CACNA1C: variants seen among roughly 807,000 people sequenced by gnomAD.
CACNA1C encodes the protein calcium voltage-gated channel subunit alpha1 C.
Under a neutral mutation model 229.0 loss-of-function variants are expected in CACNA1C, and 30 were observed. The observed-to-expected ratio is 0.13, with a 90% CI of 0.10 to 0.18. The LOEUF is 0.18. Among genes scored for constraint, CACNA1C ranks in the 10% least tolerant of loss-of-function variants. The pLI is 1.00. For synonymous variants in CACNA1C, 1,114 were observed against 1,132.5 expected, an observed-to-expected ratio of 0.98 and a Z score of 0.33; for missense variants, 1,658 against 2,845.0, an observed-to-expected ratio of 0.58 and a Z score of 9.49.
intron 3 of CACNA1C, among the ~76,000 whole-genome samples, chr12:2,409,869 T>G (rs1314951247): frequency 6.6e-6 from 1 of 152,110 alleles, no homozygotes; most frequent in Admixed American, 6.5e-5. Context: ...GCAGGTGTGA[T>G]GTACACAGTC....
chr12:2,286,534 G>GTTCTGGCTTCGGGGC (rs755041905), intron 3 of CACNA1C, among the ~76,000 whole-genome samples: 72 of 152,228 alleles, frequency 4.7e-4, no homozygotes, highest in Non-Finnish European at 9.3e-4. Flanking sequence ...CTTTGCAGTA[G>GTTCTGGCTTCGGGGC]TTCTGGCTTC....
chr12:2,605,587 G>A lies in CACNA1C; in HGVS notation c.3049-92G>A, dbSNP rs41276704. On this transcript the variant is annotated intron_variant, in intron 23 of 46. Coordinates refer to ENST00000399655, the MANE Select transcript of CACNA1C (RefSeq NM_000719.7). The surrounding 1 kb of genome is among the most constrained non-coding windows in gnomAD (Gnocchi z 6.2). ...GCCCCTCTCAGCCCAATTACTCCCC[G>A]TTGTGGCAAACGGGCTGCCCCTGCT... 0.018 allele frequency: 15,919 copies of A among 888,450 alleles called. 371 individuals carry two copies. Among genetic ancestry groups the A allele is most frequent in the Non-Finnish European group, 0.016 (8,657 of 532,096 alleles). The allele number at this position is 888,450 out of a possible 1,614,324, so 55.0% of individuals were successfully genotyped here. A position where few individuals can be genotyped will look rare whatever the true frequency, so the allele number is the denominator to read the frequency against.
At chr12:2,311,866 A>C (rs1347297480) in intron 3 of CACNA1C, among the ~76,000 whole-genome samples, 1 of 152,194 alleles carries the variant, frequency 6.6e-6, no homozygotes, top group Non-Finnish European at 1.5e-5. Context: ...ACGTGAATAT[A>C]CTTAATGCCA....
intron 1 of CACNA1C, among the ~76,000 whole-genome samples, chr12:1,996,656 C>CAAAA (rs1349356918): frequency 1.8e-5 from 1 of 54,606 alleles, no homozygotes; most frequent in Admixed American, 2.5e-4. Flanking sequence ...AAAAAAAAAA[C>CAAAA]AACAAACTCT....
intron 3 of CACNA1C, among the ~76,000 whole-genome samples, chr12:2,317,661 T>A (rs1192344195): frequency 1.3e-5 from 2 of 152,204 alleles, no homozygotes; most frequent in African/African-American, 4.8e-5. Flanking sequence ...CCACAATTTT[T>A]AAAAATAATT....
At chr12:2,468,636 G>C (rs2099573255) in intron 5 of CACNA1C, among the ~76,000 whole-genome samples, 1 of 152,242 alleles carries the variant, frequency 6.6e-6, no homozygotes, top group African/African-American at 2.4e-5. Context: ...TCTAGAGATT[G>C]AGAGTAGTTC....
intron 3 of CACNA1C, among the ~76,000 whole-genome samples, chr12:2,311,399 G>C (rs1415133706): frequency 3.3e-5 from 5 of 152,162 alleles, no homozygotes; most frequent in Non-Finnish European, 7.3e-5. Context: ...GCAATTAACT[G>C]TTTACATTAA....
chr12:2,286,029 G>C (rs1436180279), intron 3 of CACNA1C, among the ~76,000 whole-genome samples: 3 of 152,110 alleles, frequency 2.0e-5, no homozygotes, highest in African/African-American at 7.2e-5. Context: ...TAGTCCTGTC[G>C]CCTGTTTTCT....
intron 3 of CACNA1C, among the ~76,000 whole-genome samples, chr12:2,163,569 G>A (rs1444932769): frequency 1.3e-5 from 2 of 152,168 alleles, no homozygotes; most frequent in African/African-American, 2.4e-5. Flanking sequence ...TCTAGTGGGG[G>A]TAAGGAAAAT....
At chr12:2,470,265 A>G (rs2099583822) in intron 5 of CACNA1C, among the ~76,000 whole-genome samples, 1 of 152,246 alleles carries the variant, frequency 6.6e-6, no homozygotes, top group Non-Finnish European at 1.5e-5. Flanking sequence ...TCTTAAACTC[A>G]GGAAGCTCCA....
chr12:2,071,329 C>A (rs1002823580), intron 1 of CACNA1C, among the ~76,000 whole-genome samples: 2 of 151,128 alleles, frequency 1.3e-5, no homozygotes, highest in South Asian at 4.2e-4. Flanking sequence ...GCAATCCTTC[C>A]ACCTCAGCCT....
At chr12:2,192,770 C>T (rs78454077) in intron 3 of CACNA1C, among the ~76,000 whole-genome samples, 2,725 of 151,966 alleles carry the variant, frequency 0.018, 88 homozygotes, top group African/African-American at 0.061. Flanking sequence ...CTCTCCCCCT[C>T]CTCCACAGAG....
intron 3 of CACNA1C, among the ~76,000 whole-genome samples, chr12:2,396,720 T>C (rs2098589633): frequency 6.6e-6 from 1 of 152,262 alleles, no homozygotes; most frequent in Non-Finnish European, 1.5e-5. Flanking sequence ...GGCCAAGAGC[T>C]CTGGCATGAA....
rs566240519 is a variant in CACNA1C, at chr12:2,486,713, A to C, written c.916+451A>C. On this transcript the variant is annotated intron_variant, in intron 6 of 46. Coordinates refer to ENST00000399655, the MANE Select transcript of CACNA1C (RefSeq NM_000719.7). The surrounding 1 kb of genome is among the most constrained non-coding windows in gnomAD (Gnocchi z 4.9). Reference sequence around the variant, plus strand: ...CAACAGGTTCTCCCAGCACCACTCTAAGATTTTTCTACCTTCATGGTGCTG... The same window carrying C: ...CAACAGGTTCTCCCAGCACCACTCTCAGATTTTTCTACCTTCATGGTGCTG... Among the ~76,000 whole-genome samples the C allele has an allele frequency of 2.3e-4, 35 of 152,232 alleles. No individual in the cohort carries two copies. Among genetic ancestry groups the C allele is most frequent in the Admixed American group, 5.9e-4 (9 of 15,288 alleles).
At chr12:1,974,745 G>T (rs1165627470) in intron 1 of CACNA1C, among the ~76,000 whole-genome samples, 1 of 152,128 alleles carries the variant, frequency 6.6e-6, no homozygotes, top group Non-Finnish European at 1.5e-5. Context: ...CCTGAAAAAT[G>T]TAAGATTTAG....
At chr12:2,052,902 C>T (rs1594429314), upstream of CACNA1C, 1 of 816,912 alleles carries the variant, frequency 1.2e-6, no homozygotes, top group Non-Finnish European at 1.5e-6. Flanking sequence ...GCCGGGCGGG[C>T]GGGCGGGCGG....
chr12:2,595,909 C>T lies in CACNA1C; in HGVS notation c.2699C>T (p.Thr900Met), dbSNP rs1027676345. The change falls in exon 20 of 47, where the codon ACG (threonine) becomes ATG (methionine). Residue 900 changes from threonine to methionine, a missense_variant. By Grantham distance (81) the Thr-to-Met change is moderately conservative (BLOSUM62 -1). This residue lies in a region of CACNA1C where 52 missense variants were observed against 99.0 expected (regional missense o/e 0.53). Coordinates refer to ENST00000399655, the MANE Select transcript of CACNA1C (RefSeq NM_000719.7). The surrounding 1 kb of genome is among the most constrained non-coding windows in gnomAD (Gnocchi z 4.1). The stretch of plus-strand genomic sequence containing the variant: ...CAGTGCCACCGCATTGTCAATGACA[C>T]GATCTTCACCAACCTGATCCTCTTC... Reference protein sequence around the residue: ...RLQCHRIVNDTIFTNLILFFI... With the variant: ...RLQCHRIVNDMIFTNLILFFI... The T allele has an allele frequency of 5.6e-6, 9 of 1,613,680 alleles. No homozygotes were observed. The highest frequency in any genetic ancestry group is 7.6e-6 in the Non-Finnish European group (9 of 1,179,804).
At chr12:2,246,617 G>A (rs867198823) in intron 3 of CACNA1C, among the ~76,000 whole-genome samples, 3 of 152,306 alleles carry the variant, frequency 2.0e-5, no homozygotes, top group Middle Eastern at 3.4e-3. Flanking sequence ...CACACCGAGG[G>A]TAGGTCGTCA....
rs141501440 is a variant in CACNA1C at position 2,246,634 on chromosome 12, G to A, written c.477+126204G>A. On this transcript the variant is annotated intron_variant, in intron 3 of 46. Coordinates refer to ENST00000399655, the MANE Select transcript of CACNA1C (RefSeq NM_000719.7). ...CACCGAGGGTAGGTCGTCAGGTCCC[G>A]TGAGTCGCGAGTGTGGGGGCTGTGG... Among the ~76,000 whole-genome samples, 24 of 152,268 alleles carry A rather than the reference G, an allele frequency of 1.6e-4. 1 individual carries two copies. The highest frequency in any genetic ancestry group is 4.6e-4 in the African/African-American group (19 of 41,554).
Sources: gnomAD v4.1 joint callset for allele counts (sites outside exome capture counted in the v4.1 genomes callset) on GRCh38, gnomAD v4.1.1 for gene constraint, gnomAD v4.1.1 regional missense constraint, Gnocchi (gnomAD v3.1) non-coding constraint, MANE v1.5 for transcripts, NCBI Gene and HGNC (gene_info 2026-07-23, HGNC 2026-07-21) for gene names.